Variants in STK25 observed in about 807,000 individuals in gnomAD.
The protein encoded by STK25 is serine/threonine kinase 25, also known as serine/threonine-protein kinase 25.
A neutral mutation model predicts 53.8 loss-of-function variants in STK25; 29 were observed. The observed-to-expected ratio is 0.54, with a 90% confidence interval of 0.40 to 0.74. The LOEUF (loss-of-function observed/expected upper bound fraction) is 0.74. Among genes scored for constraint, STK25 ranks in the 30% least tolerant of loss-of-function variants. STK25 has a pLI of 0.00. For synonymous variants in STK25, 247 were observed against 238.3 expected (o/e 1.04, Z -0.33); for missense variants, 420 against 568.0 (o/e 0.74, Z 2.65).
intron 2 of STK25, among the ~76,000 whole-genome samples, chr2:241,502,681 G>A (rs2065582734): frequency 6.6e-6 from 1 of 152,004 alleles, no homozygotes; most frequent in African/African-American, 2.4e-5. Flanking sequence ...GGAGGTTGCG[G>A]TGAGCCGAGA....
Position 241,500,803 on chromosome 2 carries a change from C to G in STK25, c.262-7G>C, listed in dbSNP as rs781053518. The G allele has an allele frequency of 1.2e-6, 2 of 1,613,542 alleles. No individual in the cohort carries two copies. Among genetic ancestry groups the G allele is most frequent in the East Asian group, 4.5e-5 (2 of 44,874 alleles). On this transcript the variant is annotated splice_region_variant and splice_polypyrimidine_tract_variant and intron_variant, in intron 3 of 11. Coordinates refer to ENST00000316586, the MANE Select transcript of STK25 (RefSeq NM_001271977.2). The stretch of plus-strand genomic sequence containing the variant: ...TGATCCATAGCTTGGTGCTCTGGGA[C>G]CGGAGACAAACCCATCAGCATTTGG...
In STK25 at chr2:241,492,918, TTTA is replaced by T; in HGVS notation, c.*2741_*2743del. 6.4e-7 allele frequency: 1 copy of T among 1,564,110 alleles called. No homozygotes were observed. The highest frequency in any genetic ancestry group is 8.8e-7 in the Non-Finnish European group (1 of 1,134,494). On this transcript the variant is annotated 3_prime_UTR_variant, in exon 12 of 12. Coordinates refer to ENST00000316586, the MANE Select transcript of STK25 (RefSeq NM_001271977.2). ...CTGGTTAATGCACCTGCATTTTTCCTTTATTGACAGAACCAGCTTTCAGGATAT... is the reference window on the plus strand; with the variant it reads ...CTGGTTAATGCACCTGCATTTTTCCTTTGACAGAACCAGCTTTCAGGATAT...
chr2:241,508,371 A>T, intron 1 of STK25, 72 bp downstream of exon 1: 1 of 1,041,388 alleles, frequency 9.6e-7, no homozygotes, highest in South Asian at 3.1e-5. Flanking sequence ...CCCGCCACCG[A>T]GCCCCGCCCC....
chr2:241,497,634 G>A lies in STK25; in HGVS notation c.1086C>T (p.Val362=), dbSNP rs371188883. ...QPRSQCLSTL[V]RPVFGELKEK... ...TCCTCACCTCTCCGAAGACGGGCCG[G>A]ACCAGCGTGGACAGGCACTGGGACC... The change falls in exon 10 of 12, where the codon GTC becomes GTT. Residue 362 remains valine, a synonymous_variant. Coordinates refer to ENST00000316586, the MANE Select transcript of STK25 (RefSeq NM_001271977.2). 1 of 1,613,492 alleles carries A rather than the reference G, an allele frequency of 6.2e-7. No homozygotes were observed. Among genetic ancestry groups the A allele is most frequent in the South Asian group, 1.1e-5 (1 of 91,068 alleles).
At chr2:241,507,231 T>C (rs1436895256) in intron 2 of STK25, among the ~76,000 whole-genome samples, 2 of 152,026 alleles carry the variant, frequency 1.3e-5, no homozygotes, top group African/African-American at 4.8e-5. Context: ...AGAATGCAAG[T>C]CCCCAGGCCC....
intron 2 of STK25, among the ~76,000 whole-genome samples, chr2:241,503,483 C>A (rs1027566222): frequency 3.3e-5 from 5 of 150,760 alleles, no homozygotes; most frequent in East Asian, 2.0e-4. Context: ...GAGGCCGAGG[C>A]GGGCAGATCA....
At position 241,493,009 on chromosome 2, in the gene STK25, CTGTT is replaced by C. The variant is rs745948966; in HGVS notation, c.*2649_*2652del. ...AGCTCTGGGTCGTCTTTACCAACTT[CTGTT>C]TGTTCTTCTACAAAACTCATCAGGT... On this transcript the variant is annotated 3_prime_UTR_variant, in exon 12 of 12. Transcript: ENST00000316586. The C allele has an allele frequency of 4.4e-6, 7 of 1,607,146 alleles. No homozygotes were observed. The highest frequency in any genetic ancestry group is 2.7e-5 in the African/African-American group (2 of 74,820).
intron 2 of STK25, among the ~76,000 whole-genome samples, chr2:241,507,624 C>CAGGCCG (rs1267222615): frequency 3.3e-5 from 5 of 152,226 alleles, no homozygotes; most frequent in Admixed American, 1.3e-4. Flanking sequence ...ACCCGCGGCC[C>CAGGCCG]AGGCCGAGGC....
chr2:241,493,458 AG>A lies in STK25; in HGVS notation c.*2203del. The A allele has an allele frequency of 6.2e-7, 1 of 1,613,150 alleles. No homozygotes were observed. Among genetic ancestry groups the A allele is most frequent in the Non-Finnish European group, 8.5e-7 (1 of 1,179,526 alleles). ...CACATTTGAAAGGTAATTTTGCAGGAGGCAGCCCTGGTCAGCTGCCCATTTC... is the reference window on the plus strand; with the variant it reads ...CACATTTGAAAGGTAATTTTGCAGGAGCAGCCCTGGTCAGCTGCCCATTTC... On this transcript the variant is annotated 3_prime_UTR_variant, in exon 12 of 12. Transcript: ENST00000316586.
chr2:241,498,108 C>T, intron 9 of STK25, 127 bp downstream of exon 9: 1 of 880,636 alleles, frequency 1.1e-6, no homozygotes, highest in Non-Finnish European at 1.8e-6. Flanking sequence ...GGCTTCAGAC[C>T]ACCCCTGCCT....
chr2:241,495,811 C>T lies in STK25; in HGVS notation c.1242-110G>A, dbSNP rs1467897670. 7.0e-6 allele frequency: 8 copies of T among 1,139,338 alleles called. No individual in the cohort carries two copies. In the East Asian group the frequency reaches 1.4e-4, roughly 20 times the overall value. The allele number at this position is 1,139,338 out of a possible 1,614,324, so 70.6% of individuals were successfully genotyped here. A position where few individuals can be genotyped will look rare whatever the true frequency, so the allele number is the denominator to read the frequency against. ...GCAGCCCTGACAAGCCACCGCACCA[C>T]GTGGGTCTGAAGGTGTCCCCAATGC... On this transcript the variant is annotated intron_variant, in intron 11 of 11. Coordinates refer to ENST00000316586, the MANE Select transcript of STK25 (RefSeq NM_001271977.2).
Position 241,508,047 on chromosome 2 carries a change from C to G in STK25, c.-12G>C, listed in dbSNP as rs753240788. 6.2e-7 allele frequency: 1 copy of G among 1,601,980 alleles called. No individual in the cohort carries two copies. Among genetic ancestry groups the G allele is most frequent in the East Asian group, 2.3e-5 (1 of 44,160 alleles). On this transcript the variant is annotated 5_prime_UTR_variant, in exon 2 of 12. Transcript: ENST00000316586. Reference sequence around the variant, plus strand: ...CGGAGGTGAGCCATGGCCGCGCCGCCTCAGACCCTCCGCCAGCAGCCCCAG... The same window carrying G: ...CGGAGGTGAGCCATGGCCGCGCCGCGTCAGACCCTCCGCCAGCAGCCCCAG...
Position 241,499,122 on chromosome 2 carries a change from G to C in STK25, c.638C>G (p.Pro213Arg). 6.2e-7 allele frequency: 1 copy of C among 1,613,986 alleles called. No individual in the cohort carries two copies. Among genetic ancestry groups the C allele is most frequent in the Non-Finnish European group, 8.5e-7 (1 of 1,179,920 alleles). ...ITAIELAKGE[P>R]PNSDLHPMRV... ...CATGGGGTGGAGGTCAGAGTTTGGA[G>C]GCTCCCCCTTGGCCAGCTCGATGGC... Residue 213 changes from proline to arginine, a missense_variant, in exon 7 of 12, where the codon CCT (proline) becomes CGT (arginine). Transcript: ENST00000316586.
In STK25 at chr2:241,495,394, G is replaced by T. The variant is rs9052; in HGVS notation, c.*268C>A. ...CGTAGCTCATGAGGGCCACGCCGGC[G>T]GCTGGAGCCCCCGTGAGCAATACTG... On this transcript the variant is annotated 3_prime_UTR_variant, in exon 12 of 12. Transcript: ENST00000316586. The T allele has an allele frequency of 0.18, 85,326 of 478,810 alleles. 8,511 individuals carry two copies. The highest frequency in any genetic ancestry group is 0.33 in the Admixed American group (9,663 of 29,138). The allele number at this position is 478,810 out of a possible 1,614,324, so 29.7% of individuals were successfully genotyped here. A position where few individuals can be genotyped will look rare whatever the true frequency, so the allele number is the denominator to read the frequency against.
chr2:241,507,944 C>G, intron 2 of STK25, 62 bp downstream of exon 2: 1 of 1,493,602 alleles, frequency 6.7e-7, no homozygotes. Flanking sequence ...TCTGAACCCC[C>G]AGGAGACTCT....
chr2:241,503,160 T>A (rs62190456), intron 2 of STK25, among the ~76,000 whole-genome samples: 17,172 of 152,018 alleles, frequency 0.11, 1,230 homozygotes, highest in Non-Finnish European at 0.15. Flanking sequence ...GCCTCCTGGG[T>A]TCAAGCGATT....
chr2:241,508,630 C>CGGCT, upstream of STK25: 1 of 987,102 alleles, frequency 1.0e-6, no homozygotes, highest in South Asian at 4.6e-5. Context: ...GGCCCGCGCA[C>CGGCT]GGCTCTCTGG....
chr2:241,507,894 CT>C, intron 2 of STK25, 111 bp downstream of exon 2: 1 of 1,147,000 alleles, frequency 8.7e-7, no homozygotes, highest in Non-Finnish European at 1.3e-6. Context: ...ACGCGCGCTC[CT>C]TCCCTCACCC....
rs370767569 is a variant in STK25, at chr2:241,497,682, C to T, written c.1038G>A (p.Ala346=). ...GTALHSSQKP[A]EPVKRQPRSQ... Reference sequence around the variant, plus strand: ...ACCTCGGCTGCCTCTTGACGGGCTCCGCAGGCTGCAAAGGAGTGGAGGCCC... The same window carrying T: ...ACCTCGGCTGCCTCTTGACGGGCTCTGCAGGCTGCAAAGGAGTGGAGGCCC... The change falls in exon 10 of 12, where the codon GCG becomes GCA. Residue 346 remains alanine (A), a synonymous_variant. Transcript: ENST00000316586. The T allele has an allele frequency of 6.0e-5, 97 of 1,613,268 alleles. No homozygotes were observed. The highest frequency in any genetic ancestry group is 2.2e-4 in the Admixed American group (13 of 60,002).
Sources: gnomAD v4.1 joint callset for allele counts (sites outside exome capture counted in the v4.1 genomes callset) on GRCh38, gnomAD v4.1.1 for gene constraint, MANE v1.5 for transcripts, NCBI Gene and HGNC (gene_info 2026-07-23, HGNC 2026-07-21) for gene names.